Variants in MCC observed in about 807,000 individuals in gnomAD.
MCC encodes the protein colorectal mutant cancer protein.
Under a neutral mutation model 116.2 loss-of-function variants are expected in MCC, and 90 were observed. The observed-to-expected ratio is 0.77, with a 90% CI of 0.65 to 0.92. The LOEUF is 0.92. Ranked by LOEUF, MCC falls within the 40% of genes least tolerant of loss-of-function variation. The pLI, the probability that MCC is intolerant of heterozygous loss-of-function variation, is 0.00. For synonymous variants in MCC, 578 were observed against 510.5 expected, an observed-to-expected ratio of 1.13 and a Z score of -1.78; for missense variants, 1,516 against 1,312.2, an observed-to-expected ratio of 1.16 and a Z score of -2.40.
chr5:113,359,812 ATGTT>A (rs768124066), intron 2 of MCC, among the ~76,000 whole-genome samples: 29 of 30,446 alleles, frequency 9.5e-4, no homozygotes, highest in Non-Finnish European at 1.3e-3. Flanking sequence ...GATAAATAGA[ATGTT>A]TGGTCCTTTA....
chr5:113,340,751 G>GA, intron 2 of MCC, 21 bp from the exon 3 acceptor site: 1 of 1,603,746 alleles, frequency 6.2e-7, no homozygotes, highest in South Asian at 1.1e-5. Context: ...GAGAAGCAGA[G>GA]AAAATGAAAA....
intron 14 of MCC, among the ~76,000 whole-genome samples, chr5:113,058,823 C>T (rs1250766470): frequency 6.6e-6 from 1 of 152,212 alleles, no homozygotes; most frequent in African/African-American, 2.4e-5. Context: ...CCACACAGCA[C>T]CTGTCCTGTG....
chr5:113,331,374 C>G (rs1767692383), intron 3 of MCC, among the ~76,000 whole-genome samples: 1 of 151,694 alleles, frequency 6.6e-6, no homozygotes, highest in Non-Finnish European at 1.5e-5. Context: ...GCTGTTCCTT[C>G]TCTTGCCAAT....
rs1384126160 is a variant in MCC, at chr5:113,025,838, A to C, written c.*1464T>G. ...TCCTCCAGCGAACAGAAGGCTGTGGAATTTGTATCATGCTCTGAAAATAGA... is the reference window on the plus strand; with the variant it reads ...TCCTCCAGCGAACAGAAGGCTGTGGCATTTGTATCATGCTCTGAAAATAGA... On this transcript the variant is annotated 3_prime_UTR_variant, in exon 19 of 19. Coordinates refer to ENST00000408903, the MANE Select transcript of MCC (RefSeq NM_001085377.2). 6.6e-6 allele frequency: 1 copy of C among 152,098 alleles called. No individual in the cohort carries two copies. Among genetic ancestry groups the C allele is most frequent in the Non-Finnish European group, 1.5e-5 (1 of 68,014 alleles). The allele number at this position is 152,098 out of a possible 1,614,324, so 9.4% of individuals were successfully genotyped here.
intron 11 of MCC, among the ~76,000 whole-genome samples, chr5:113,082,524 T>A (rs1581016578): frequency 6.6e-6 from 1 of 152,246 alleles, no homozygotes; most frequent in Non-Finnish European, 1.5e-5. Flanking sequence ...GGACTCACTA[T>A]GTAATTTGCA....
Position 113,029,059 on chromosome 5 carries a change from A to G in MCC, c.2757-3T>C, listed in dbSNP as rs1441169366. ...CTCTGGCCTTCAACTTCTTTTCTCT[A>G]TATTAAAGGAGACAAAATATGCCAG... On this transcript the variant is annotated splice_polypyrimidine_tract_variant and splice_region_variant and intron_variant, in intron 17 of 18. Transcript: ENST00000408903. 39 of 1,606,382 alleles carry G rather than the reference A, an allele frequency of 2.4e-5. No individual in the cohort carries two copies. Among genetic ancestry groups the G allele is most frequent in the Non-Finnish European group, 3.0e-5 (35 of 1,175,206 alleles).
At chr5:113,397,193 G>A (rs1769549014) in intron 1 of MCC, among the ~76,000 whole-genome samples, 1 of 152,086 alleles carries the variant, frequency 6.6e-6, no homozygotes, top group Non-Finnish European at 1.5e-5. Flanking sequence ...CAAACAAAAT[G>A]CCATATGACA....
intron 5 of MCC, among the ~76,000 whole-genome samples, chr5:113,128,644 C>T (rs1330066368): frequency 6.6e-6 from 1 of 152,156 alleles, no homozygotes; most frequent in East Asian, 1.9e-4. Flanking sequence ...ATATAACAAT[C>T]CATTTTTGTC....
intron 3 of MCC, among the ~76,000 whole-genome samples, chr5:113,184,315 T>C (rs1761779369): frequency 6.6e-6 from 1 of 152,150 alleles, no homozygotes; most frequent in African/African-American, 2.4e-5. Context: ...TCCCTGAAAC[T>C]CAACTGGTTT....
intron 1 of MCC, among the ~76,000 whole-genome samples, chr5:113,390,861 A>G (rs1769382303): frequency 6.6e-6 from 1 of 152,230 alleles, no homozygotes; most frequent in Non-Finnish European, 1.5e-5. Context: ...ATAGTTGCTC[A>G]TGAAAGACTA....
intron 17 of MCC, among the ~76,000 whole-genome samples, chr5:113,037,161 T>C (rs1186461218): frequency 6.6e-6 from 1 of 152,238 alleles, no homozygotes. Context: ...CTTTTCATTT[T>C]ATCCCACTCT....
intron 3 of MCC, among the ~76,000 whole-genome samples, chr5:113,251,554 T>A (rs1190703736): frequency 6.6e-6 from 1 of 152,170 alleles, no homozygotes; most frequent in African/African-American, 2.4e-5. Context: ...GACTGAGGGA[T>A]AGGGGCTGTG....
At chr5:113,417,252 G>C (rs1485399460) in intron 1 of MCC, among the ~76,000 whole-genome samples, 1 of 152,110 alleles carries the variant, frequency 6.6e-6, no homozygotes, top group Non-Finnish European at 1.5e-5. Context: ...ACAGGCGTGA[G>C]CCACCGCACC....
intron 3 of MCC, among the ~76,000 whole-genome samples, chr5:113,299,959 G>A (rs560442891): frequency 1.5e-4 from 23 of 152,298 alleles, no homozygotes; most frequent in Non-Finnish European, 2.9e-4. Flanking sequence ...GGCAGCAGCA[G>A]TCTTGGGAAC....
intron 11 of MCC, among the ~76,000 whole-genome samples, chr5:113,077,702 C>A (rs936594074): frequency 2.6e-5 from 4 of 152,094 alleles, no homozygotes; most frequent in Non-Finnish European, 5.9e-5. Context: ...CAAGAGAAAG[C>A]AGGAAAGATC....
At chr5:113,066,923 T>C (rs1753645841) in intron 13 of MCC, among the ~76,000 whole-genome samples, 1 of 152,186 alleles carries the variant, frequency 6.6e-6, no homozygotes, top group South Asian at 2.1e-4. Context: ...TACTTGCTAT[T>C]GCCTCTCCGA....
chr5:113,142,663 T>C (rs1170143714), intron 5 of MCC, among the ~76,000 whole-genome samples: 1 of 147,120 alleles, frequency 6.8e-6, no homozygotes, highest in Non-Finnish European at 1.6e-5. Context: ...CCCCCTGCCT[T>C]ATGAGTCCAG....
chr5:113,414,663 G>A (rs535479105), intron 1 of MCC, among the ~76,000 whole-genome samples: 1 of 152,122 alleles, frequency 6.6e-6, no homozygotes, highest in South Asian at 2.1e-4. Flanking sequence ...GTGTGTCTCC[G>A]CACATGAGAT....
intron 3 of MCC, among the ~76,000 whole-genome samples, chr5:113,336,274 A>G (rs942905684): frequency 6.6e-6 from 1 of 151,710 alleles, no homozygotes; most frequent in Non-Finnish European, 1.5e-5. Context: ...AAAACAAACC[A>G]TAGCAGGCAC....
Sources: gnomAD v4.1 joint callset for allele counts (sites outside exome capture counted in the v4.1 genomes callset) on GRCh38, gnomAD v4.1.1 for gene constraint, MANE v1.5 for transcripts, NCBI Gene and HGNC (gene_info 2026-07-23, HGNC 2026-07-21) for gene names.